The following MRPL48 variants were observed in gnomAD, a reference collection of about 807,000 sequenced individuals.
MRPL48 encodes mitochondrial ribosomal protein L48, also known as large ribosomal subunit protein mL48.
MRPL48 carries 16 observed loss-of-function variants against 32.9 expected under a neutral mutation model. The ratio of observed to expected loss-of-function variants is 0.49; its 90% CI spans 0.33 to 0.74. The LOEUF (loss-of-function observed/expected upper bound fraction) is 0.74, where lower values mean the gene tolerates loss of function less well. MRPL48 is among the 30% of genes least tolerant of loss of function. The pLI, the probability that MRPL48 is intolerant of heterozygous loss-of-function variation, is 0.02. For missense variants in MRPL48, 206 were observed against 245.3 expected (o/e 0.84, Z 1.07); for synonymous variants, 94 against 89.2 (o/e 1.05, Z -0.31).
intron 4 of MRPL48, among the ~76,000 whole-genome samples, chr11:73,837,944 C>T (rs1222231271): frequency 2.0e-5 from 3 of 152,172 alleles, no homozygotes; most frequent in African/African-American, 4.8e-5. Flanking sequence ...CTCTGCTTCA[C>T]GGGTTCAAGC....
chr11:73,849,465 T>C (rs941161682), intron 5 of MRPL48, among the ~76,000 whole-genome samples: 1 of 152,220 alleles, frequency 6.6e-6, no homozygotes, highest in Admixed American at 6.5e-5. Flanking sequence ...TCTGTCCTTA[T>C]AGTTTTGCCT....
chr11:73,849,338 T>C (rs145315681), intron 5 of MRPL48, among the ~76,000 whole-genome samples: 3 of 152,154 alleles, frequency 2.0e-5, no homozygotes, highest in Admixed American at 6.5e-5. Context: ...GGTTTTGCCA[T>C]GTTGGTCAGG....
rs1427636284 is a variant in MRPL48, at chr11:73,810,297, G to A, written c.112+1947G>A. ...AGTACTTTGGCAGGCCGAGATGGGC[G>A]GATCACCTTAGGTCAGGAGTTCAAG... On this transcript the variant is annotated intron_variant, in intron 3 of 7. Transcript: ENST00000310614. Among the ~76,000 whole-genome samples the A allele has an allele frequency of 3.3e-5, 5 of 152,244 alleles. No homozygotes were observed. In the East Asian group the frequency reaches 5.8e-4, roughly 18 times the overall value.
At chr11:73,814,721 C>T (rs111989830) in intron 3 of MRPL48, among the ~76,000 whole-genome samples, 1,689 of 149,526 alleles carry the variant, frequency 0.011, 32 homozygotes, top group African/African-American at 0.039. Flanking sequence ...AGGCTGGGTG[C>T]GGTGGCTCAT....
chr11:73,797,060 C>CA (rs901129389), intron 1 of MRPL48, among the ~76,000 whole-genome samples: 6 of 151,674 alleles, frequency 4.0e-5, no homozygotes, highest in South Asian at 2.1e-4. Flanking sequence ...GAGACTGTCT[C>CA]AAAAAAAAGC....
intron 4 of MRPL48, chr11:73,832,275 T>G (rs1406056051): frequency 6.6e-6 from 1 of 152,206 alleles, no homozygotes; most frequent in Non-Finnish European, 1.5e-5. Flanking sequence ...TTTGGAAACT[T>G]CATGCTGTTT....
intron 4 of MRPL48, 95 bp from the exon 5 acceptor site, chr11:73,844,712 T>C: frequency 2.9e-6 from 4 of 1,388,756 alleles, no homozygotes; most frequent in Non-Finnish European, 3.9e-6. Flanking sequence ...TGAACAAATT[T>C]ATTAGAAAGA....
intron 5 of MRPL48, among the ~76,000 whole-genome samples, chr11:73,848,653 T>G (rs905450538): frequency 1.3e-5 from 2 of 152,170 alleles, no homozygotes; most frequent in Non-Finnish European, 2.9e-5. Flanking sequence ...TTTTTTGGAT[T>G]TGTTGGAAAA....
chr11:73,826,811 T>C (rs1947902674), intron 4 of MRPL48, among the ~76,000 whole-genome samples: 1 of 145,920 alleles, frequency 6.9e-6, no homozygotes, highest in Non-Finnish European at 1.5e-5. Flanking sequence ...AGTTTCACTC[T>C]TATTGCTCAG....
chr11:73,851,918 TAC>T (rs35410725), intron 5 of MRPL48, among the ~76,000 whole-genome samples: 7,162 of 148,790 alleles, frequency 0.048, 299 homozygotes, highest in African/African-American at 0.12. Flanking sequence ...TCAGGGAACG[TAC>T]ACACACACAC....
Position 73,864,738 on chromosome 11 carries a change from C to T in MRPL48, c.*368C>T, listed in dbSNP as rs968000360. On this transcript the variant is annotated 3_prime_UTR_variant, in exon 8 of 8. Coordinates refer to ENST00000310614, the MANE Select transcript of MRPL48 (RefSeq NM_016055.6). ...TTGCGAGGCCGAGGCAGGAGGACTG[C>T]TCGAGGCCAGGAGCTTGAGACCAGC... 4.3e-6 allele frequency: 1 copy of T among 232,252 alleles called. No individual in the cohort carries two copies. The highest frequency in any genetic ancestry group is 8.5e-6 in the Non-Finnish European group (1 of 117,222). 14.4% of individuals were successfully genotyped at this position (232,252 alleles called of 1,614,324 possible).
chr11:73,843,117 G>A (rs1948221813), intron 4 of MRPL48: 2 of 151,934 alleles, frequency 1.3e-5, no homozygotes, highest in Admixed American at 6.6e-5. Context: ...CCAGCTATAA[G>A]TCCCTCTCTT....
At chr11:73,827,943 C>T (rs914753524) in intron 4 of MRPL48, among the ~76,000 whole-genome samples, 1 of 152,124 alleles carries the variant, frequency 6.6e-6, no homozygotes, top group Non-Finnish European at 1.5e-5. Flanking sequence ...CACTTTTCTG[C>T]CTTGTGACTT....
intron 4 of MRPL48, among the ~76,000 whole-genome samples, chr11:73,839,356 TTTTTTTTC>T (rs1948152794): frequency 6.6e-6 from 1 of 152,046 alleles, no homozygotes; most frequent in South Asian, 2.1e-4. Context: ...TAGGGATAGT[TTTTTTTTC>T]TTTTTTTCTT....
intron 3 of MRPL48, among the ~76,000 whole-genome samples, chr11:73,814,227 CA>C (rs888981451): frequency 7.6e-5 from 11 of 143,962 alleles, no homozygotes; most frequent in Admixed American, 3.5e-4. Flanking sequence ...TCCATCTCTA[CA>C]AAAAAAAAAT....
intron 2 of MRPL48, among the ~76,000 whole-genome samples, chr11:73,808,100 T>C (rs1450248217): frequency 6.6e-6 from 1 of 152,168 alleles, no homozygotes; most frequent in African/African-American, 2.4e-5. Context: ...AACTAGACCA[T>C]GGATAGAGAC....
chr11:73,830,217 T>C (rs750694922), intron 4 of MRPL48, among the ~76,000 whole-genome samples: 4 of 152,232 alleles, frequency 2.6e-5, no homozygotes, highest in Non-Finnish European at 5.9e-5. Flanking sequence ...AATGTGGTTA[T>C]TGGAGCTGCC....
chr11:73,839,401 G>A (rs550235509), intron 4 of MRPL48, among the ~76,000 whole-genome samples: 10 of 152,060 alleles, frequency 6.6e-5, no homozygotes, highest in Non-Finnish European at 1.2e-4. Context: ...CCCATAGCAA[G>A]ACTTACTATA....
chr11:73,817,802 G>A (rs1275502268), intron 3 of MRPL48: 1 of 401,312 alleles, frequency 2.5e-6, no homozygotes, highest in African/African-American at 2.1e-5. Flanking sequence ...TTTTGTTGTT[G>A]TTGTTGTTTT....
Sources: gnomAD v4.1 joint callset for allele counts (sites outside exome capture counted in the v4.1 genomes callset) on GRCh38, gnomAD v4.1.1 for gene constraint, MANE v1.5 for transcripts, NCBI Gene and HGNC (gene_info 2026-07-23, HGNC 2026-07-21) for gene names.